ESRRG: variants seen among roughly 807,000 people sequenced by gnomAD.
The protein encoded by ESRRG is estrogen-related receptor gamma.
In ESRRG, 13 loss-of-function variants were observed where a neutral mutation model predicts 44.0. The observed-to-expected ratio is 0.30, with a 90% CI of 0.19 to 0.47. The LOEUF (loss-of-function observed/expected upper bound fraction) is 0.47. ESRRG is among the 20% of genes least tolerant of loss of function. The pLI, the probability that ESRRG is intolerant of heterozygous loss-of-function variation, is 1.00. For synonymous variants in ESRRG, 215 were observed against 214.6 expected, an observed-to-expected ratio of 1.00 and a Z score of -0.02; for missense variants, 395 against 580.6, an observed-to-expected ratio of 0.68 and a Z score of 3.29.
At chr1:216,950,044 C>T (rs1282524793) in intron 1 of ESRRG, among the ~76,000 whole-genome samples, 1 of 152,032 alleles carries the variant, frequency 6.6e-6, no homozygotes, top group Non-Finnish European at 1.5e-5. Context: ...AACTCCTGAC[C>T]TCAGGTGATC....
chr1:217,120,962 G>A (rs2092810408), intron 1 of ESRRG, among the ~76,000 whole-genome samples: 1 of 152,104 alleles, frequency 6.6e-6, no homozygotes, highest in Admixed American at 6.5e-5. Flanking sequence ...TCTGTTCATT[G>A]TGTCCAAGGC....
At chr1:216,953,662 C>T (rs1452837349) in intron 1 of ESRRG, among the ~76,000 whole-genome samples, 2 of 152,028 alleles carry the variant, frequency 1.3e-5, no homozygotes, top group Admixed American at 1.3e-4. Context: ...TCTGACCTCA[C>T]CACTTCAGGT....
At chr1:216,597,498 CTG>C (rs1301309279) in intron 3 of ESRRG, among the ~76,000 whole-genome samples, 1 of 152,116 alleles carries the variant, frequency 6.6e-6, no homozygotes, top group East Asian at 1.9e-4. Context: ...GGATTTGGAA[CTG>C]TGTTTTCTAA....
chr1:216,749,467 G>A (rs2091791020), intron 2 of ESRRG, among the ~76,000 whole-genome samples: 1 of 152,148 alleles, frequency 6.6e-6, no homozygotes, highest in Non-Finnish European at 1.5e-5. Context: ...GGGTCCACAG[G>A]AGCACAATGT....
In ESRRG at chr1:216,651,108, G is replaced by A; in HGVS notation, c.473-19C>T. ...ATATTGCCTAAAACACAAGTTTGAA[G>A]AAAAGTTGTCATATTTACAAGATCC... is the stretch of plus-strand genomic sequence containing the variant. On this transcript the variant is annotated intron_variant, in intron 2 of 6. Transcript: ENST00000408911. 2.1e-6 allele frequency: 3 copies of A among 1,454,942 alleles called. No homozygotes were observed. The highest frequency in any genetic ancestry group is 2.9e-6 in the Non-Finnish European group (3 of 1,035,172). 90.1% of individuals were successfully genotyped at this position (1,454,942 alleles called of 1,614,324 possible). A position where few individuals can be genotyped will look rare whatever the true frequency, so the allele number is the denominator to read the frequency against.
intron 1 of ESRRG, among the ~76,000 whole-genome samples, chr1:217,058,215 T>C (rs913458492): frequency 6.6e-5 from 10 of 152,142 alleles, no homozygotes; most frequent in African/African-American, 2.4e-4. Flanking sequence ...AAAATTAAAC[T>C]ATCATCAGAC....
At position 216,842,778 on chromosome 1, in the gene ESRRG, G is replaced by A. The variant is rs1188782386; in HGVS notation, c.-14+96804C>T. Among the ~76,000 whole-genome samples, 7 of 152,176 alleles carry A rather than the reference G, an allele frequency of 4.6e-5. No individual in the cohort carries two copies. In the East Asian group the frequency reaches 1.3e-3, roughly 29 times the overall value. The stretch of plus-strand genomic sequence containing the variant: ...CAAGAAGCAAAGGTGCTATGACTTT[G>A]ATAGTGCATTTATACCACAAATCTT... On this transcript the variant is annotated intron_variant, in intron 2 of 7. Coordinates refer to the ESRRG transcript ENST00000359162.
chr1:217,041,961 G>T (rs2083933271), intron 1 of ESRRG, among the ~76,000 whole-genome samples: 1 of 152,086 alleles, frequency 6.6e-6, no homozygotes, highest in Admixed American at 6.5e-5. Context: ...CATCATTCTG[G>T]CATGTATCAT....
chr1:216,962,490 A>G (rs2069306945), intron 1 of ESRRG, among the ~76,000 whole-genome samples: 1 of 152,196 alleles, frequency 6.6e-6, no homozygotes, highest in South Asian at 2.1e-4. Context: ...TCAGGCTACA[A>G]ATTTAATCTG....
rs531860092 is a variant in ESRRG, at chr1:216,807,218, A to G, written c.-13-129727T>C. ...TCTAATACAATTGTTCCACCGTCGA[A>G]TGGCATCCTTTCACCCGCAAAGACG... On this transcript the variant is annotated intron_variant, in intron 2 of 7. Transcript: ENST00000359162. Among the ~76,000 whole-genome samples the G allele has an allele frequency of 8.0e-4, 122 of 152,226 alleles. 2 individuals are homozygous for G. The South Asian group carries it at 8.5e-3, about 11-fold the overall frequency.
chr1:216,762,508 G>A (rs1159788470), intron 2 of ESRRG, among the ~76,000 whole-genome samples: 1 of 142,682 alleles, frequency 7.0e-6, no homozygotes, highest in South Asian at 2.3e-4. Flanking sequence ...TGAACAATGA[G>A]AACACATGGA....
chr1:216,671,804 C>A (rs2075238254), intron 2 of ESRRG, among the ~76,000 whole-genome samples: 1 of 152,006 alleles, frequency 6.6e-6, no homozygotes, highest in Non-Finnish European at 1.5e-5. Context: ...GTTAGAATGG[C>A]TATATTATCT....
chr1:216,819,783 G>A (rs1328491659), intron 2 of ESRRG, among the ~76,000 whole-genome samples: 2 of 152,128 alleles, frequency 1.3e-5, no homozygotes, highest in Non-Finnish European at 2.9e-5. Flanking sequence ...TAAGCAGAGG[G>A]ATGTAACACC....
intron 1 of ESRRG, among the ~76,000 whole-genome samples, chr1:217,000,082 C>T (rs2076836185): frequency 6.6e-6 from 1 of 152,140 alleles, no homozygotes; most frequent in Non-Finnish European, 1.5e-5. Context: ...TTGCTTATCC[C>T]CAAGATTTTT....
chr1:216,754,139 T>C (rs1021208534), intron 2 of ESRRG, among the ~76,000 whole-genome samples: 5 of 152,094 alleles, frequency 3.3e-5, no homozygotes, highest in African/African-American at 1.2e-4. Flanking sequence ...TTAAAAGAGA[T>C]GGAGGAAAAA....
chr1:216,559,425 C>A (rs545572988), intron 5 of ESRRG, among the ~76,000 whole-genome samples: 1 of 152,150 alleles, frequency 6.6e-6, no homozygotes, highest in African/African-American at 2.4e-5. Flanking sequence ...AAACTTGGAG[C>A]CAGTTAAGAG....
intron 5 of ESRRG, among the ~76,000 whole-genome samples, chr1:216,539,784 T>TCACA (rs1159072766): frequency 2.0e-5 from 3 of 152,056 alleles, no homozygotes; most frequent in African/African-American, 7.2e-5. Flanking sequence ...TTAGTAGTTT[T>TCACA]ATAATGGAAT....
chr1:217,001,579 G>T (rs974171393), intron 1 of ESRRG, among the ~76,000 whole-genome samples: 6 of 152,180 alleles, frequency 3.9e-5, no homozygotes, highest in Non-Finnish European at 8.8e-5. Flanking sequence ...CGTTGATCAT[G>T]AAATATATAT....
At chr1:216,806,659 TTA>T (rs2094803156) in intron 2 of ESRRG, among the ~76,000 whole-genome samples, 1 of 152,148 alleles carries the variant, frequency 6.6e-6, no homozygotes, top group Non-Finnish European at 1.5e-5. Flanking sequence ...CCCCAGTGTA[TTA>T]TATTACTTGT....
Sources: allele counts gnomAD v4.1 joint callset (sites outside exome capture counted in the v4.1 genomes callset), GRCh38; gene constraint gnomAD v4.1.1; transcripts MANE v1.5; gene names NCBI Gene and HGNC (gene_info 2026-07-23, HGNC 2026-07-21).